Variants in USH2A observed in about 807,000 individuals in gnomAD.
USH2A encodes usherin, also known as Usher syndrome 2A (autosomal recessive, mild).
A neutral mutation model predicts 538.9 loss-of-function variants in USH2A; 443 were observed. That is an observed-to-expected ratio of 0.82 (90% CI 0.76 to 0.89). The LOEUF (loss-of-function observed/expected upper bound fraction) is 0.89, where lower values mean the gene tolerates loss of function less well. USH2A is among the 40% of genes least tolerant of loss of function. The pLI is 0.00. For missense variants in USH2A, 6,633 were observed against 6,324.8 expected, an observed-to-expected ratio of 1.05 and a Z score of -1.65; for synonymous variants, 2,413 against 2,273.5, an observed-to-expected ratio of 1.06 and a Z score of -1.75.
At chr1:215,922,484 C>T (rs1205868004) in intron 38 of USH2A, among the ~76,000 whole-genome samples, 1 of 152,084 alleles carries the variant, frequency 6.6e-6, no homozygotes, top group Non-Finnish European at 1.5e-5. Context: ...CCTATTATAC[C>T]TATTTTTCCC....
intron 44 of USH2A, among the ~76,000 whole-genome samples, chr1:215,856,441 T>C (rs888526311): frequency 6.6e-6 from 1 of 151,892 alleles, no homozygotes; most frequent in Non-Finnish European, 1.5e-5. Flanking sequence ...AAAAAACATA[T>C]GAAAAATACT....
At chr1:215,937,432 C>T (rs944139149) in intron 37 of USH2A, among the ~76,000 whole-genome samples, 1 of 152,090 alleles carries the variant, frequency 6.6e-6, no homozygotes, top group African/African-American at 2.4e-5. Context: ...TATTGAGCTC[C>T]AACTGCATGC....
At chr1:215,806,088 T>A (rs1417546698) in intron 49 of USH2A, among the ~76,000 whole-genome samples, 3 of 149,626 alleles carry the variant, frequency 2.0e-5, no homozygotes, top group Non-Finnish European at 3.0e-5. Context: ...AGTGAGAAAT[T>A]TCTATGCAAT....
intron 58 of USH2A, among the ~76,000 whole-genome samples, chr1:215,753,871 C>T (rs1660704224): frequency 6.6e-6 from 1 of 152,054 alleles, no homozygotes; most frequent in African/African-American, 2.4e-5. Flanking sequence ...CACCAACACC[C>T]AGCTCTGTTT....
At chr1:215,856,806 C>T in intron 44 of USH2A, among the ~76,000 whole-genome samples, 1 of 150,770 alleles carries the variant, frequency 6.6e-6, no homozygotes, top group South Asian at 2.1e-4. Flanking sequence ...AAACGCCCAT[C>T]AATCAATGAG....
In USH2A at chr1:215,804,567, G is replaced by C. The variant is rs146465424; in HGVS notation, c.9740-5442C>G. On this transcript the variant is annotated intron_variant, in intron 49 of 71. Transcript: ENST00000307340. ...ATCACTGGGCATCAGAGAAATGCAAGTCAAAACCACAATGAGATACTATCT... is the reference window on the plus strand; with the variant it reads ...ATCACTGGGCATCAGAGAAATGCAACTCAAAACCACAATGAGATACTATCT... Among the ~76,000 whole-genome samples, 627 of 147,838 alleles carry C rather than the reference G, an allele frequency of 4.2e-3. 62 individuals carry two copies. The highest frequency in any genetic ancestry group is 0.015 in the African/African-American group (570 of 38,876).
intron 58 of USH2A, among the ~76,000 whole-genome samples, chr1:215,753,410 C>A (rs1037695220): frequency 6.6e-6 from 1 of 152,082 alleles, no homozygotes; most frequent in African/African-American, 2.4e-5. Context: ...TGGAACCAAC[C>A]CAAATGTCCA....
chr1:216,340,256 T>C (rs931060119), intron 4 of USH2A, among the ~76,000 whole-genome samples: 5 of 151,984 alleles, frequency 3.3e-5, no homozygotes, highest in African/African-American at 1.2e-4. Context: ...AATGGATAAA[T>C]TCCTGGACAC....
intron 11 of USH2A, among the ~76,000 whole-genome samples, chr1:216,255,417 T>G (rs2036240063): frequency 6.6e-6 from 1 of 152,228 alleles, no homozygotes; most frequent in South Asian, 2.1e-4. Context: ...ACAATTTTGT[T>G]ATGCTGTGTT....
intron 21 of USH2A, among the ~76,000 whole-genome samples, chr1:216,137,897 T>C (rs2033517239): frequency 6.6e-6 from 1 of 152,280 alleles, no homozygotes; most frequent in East Asian, 1.9e-4. Context: ...AAGTTTTCAA[T>C]GTGGATGCAT....
At chr1:215,762,652 A>G (rs976087794) in intron 56 of USH2A, among the ~76,000 whole-genome samples, 10 of 152,184 alleles carry the variant, frequency 6.6e-5, no homozygotes, top group Non-Finnish European at 1.5e-5. Context: ...AGAGTAAGAC[A>G]ATCTTTGGTG....
chr1:215,667,770 T>C (rs1657678798), intron 64 of USH2A, among the ~76,000 whole-genome samples: 1 of 152,030 alleles, frequency 6.6e-6, no homozygotes, highest in Admixed American at 6.6e-5. Context: ...AAAGAACTTA[T>C]CCATGCGATA....
In USH2A at chr1:216,393,939, T is replaced by A. The variant is rs575174329; in HGVS notation, c.651+24575A>T. ...TCTATGCACAAGACATAAAGAGCCA[T>A]AGAAATTTCATAATAAGAAAAGGGC... is the stretch of plus-strand genomic sequence containing the variant. On this transcript the variant is annotated intron_variant, in intron 3 of 71. Coordinates refer to ENST00000307340, the MANE Select transcript of USH2A (RefSeq NM_206933.4). Among the ~76,000 whole-genome samples the A allele has an allele frequency of 2.2e-4, 34 of 152,252 alleles. No individual in the cohort carries two copies. In the South Asian group the frequency reaches 7.1e-3, roughly 32 times the overall value.
At chr1:215,932,410 T>C (rs546697063) in intron 38 of USH2A, among the ~76,000 whole-genome samples, 48 of 152,156 alleles carry the variant, frequency 3.2e-4, no homozygotes, top group Non-Finnish European at 1.3e-4. Flanking sequence ...TGCCACATGC[T>C]TTTCAGCATG....
intron 55 of USH2A, among the ~76,000 whole-genome samples, chr1:215,769,594 G>A (rs546966903): frequency 2.7e-4 from 41 of 152,188 alleles, no homozygotes; most frequent in African/African-American, 9.4e-4. Context: ...GATAGAGGGA[G>A]GAAAGTGCAT....
chr1:215,995,652 AT>A (rs1253798879), intron 34 of USH2A, among the ~76,000 whole-genome samples: 2 of 152,314 alleles, frequency 1.3e-5, no homozygotes, highest in East Asian at 3.9e-4. Context: ...AGTGGGGTTG[AT>A]TAAAAATGCC....
intron 38 of USH2A, among the ~76,000 whole-genome samples, chr1:215,923,153 C>A (rs534842788): frequency 6.6e-6 from 1 of 152,190 alleles, no homozygotes; most frequent in East Asian, 1.9e-4. Context: ...GTTTTCCTTT[C>A]TCTCAAGCAT....
intron 50 of USH2A, among the ~76,000 whole-genome samples, chr1:215,790,928 C>A (rs943702964): frequency 6.6e-6 from 1 of 152,184 alleles, no homozygotes; most frequent in Non-Finnish European, 1.5e-5. Context: ...TTTTGAGCCT[C>A]ACTCTGTTCT....
intron 66 of USH2A, among the ~76,000 whole-genome samples, chr1:215,648,248 G>A (rs563677293): frequency 7.9e-5 from 12 of 152,260 alleles, no homozygotes; most frequent in East Asian, 1.9e-4. Flanking sequence ...TATTGAATAC[G>A]AACACATTGC....
Sources: gnomAD v4.1 joint callset for allele counts (sites outside exome capture counted in the v4.1 genomes callset) on GRCh38, gnomAD v4.1.1 for gene constraint, MANE v1.5 for transcripts, NCBI Gene and HGNC (gene_info 2026-07-23, HGNC 2026-07-21) for gene names.